IPMK: variants seen among roughly 807,000 people sequenced by gnomAD.
The protein encoded by IPMK is inositol 1,3,4,6-tetrakisphosphate 5-kinase.
A neutral mutation model predicts 45.8 loss-of-function variants in IPMK; 17 were observed. The observed-to-expected ratio is 0.37, with a 90% confidence interval of 0.25 to 0.56. The LOEUF (loss-of-function observed/expected upper bound fraction) is 0.56. Among genes scored for constraint, IPMK ranks in the 20% least tolerant of loss-of-function variants. The pLI is 0.79. For synonymous variants in IPMK, 180 were observed against 184.3 expected (o/e 0.98, Z 0.19); for missense variants, 399 against 498.0 (o/e 0.80, Z 1.89).
At chr10:58,243,995 G>A (rs190101113) in intron 1 of IPMK, among the ~76,000 whole-genome samples, 1,714 of 149,324 alleles carry the variant, frequency 0.011, 11 homozygotes, top group Middle Eastern at 0.026. Flanking sequence ...CCCCGTCTGG[G>A]AGGGGAAGGG....
chr10:58,226,484 T>C (rs1488147740), intron 3 of IPMK, among the ~76,000 whole-genome samples: 1 of 152,238 alleles, frequency 6.6e-6, no homozygotes, highest in Non-Finnish European at 1.5e-5. Context: ...TCAGTCAAGC[T>C]GCTTGTTTAA....
intron 1 of IPMK, among the ~76,000 whole-genome samples, chr10:58,253,776 A>G (rs2132176023): frequency 6.6e-6 from 1 of 151,724 alleles, no homozygotes; most frequent in East Asian, 1.9e-4. Flanking sequence ...GAAAAAGAAA[A>G]ATAGCTTTAC....
intron 2 of IPMK, among the ~76,000 whole-genome samples, chr10:58,233,062 T>G (rs1434642995): frequency 6.6e-6 from 1 of 152,184 alleles, no homozygotes; most frequent in Admixed American, 6.5e-5. Flanking sequence ...GCAAATAAAC[T>G]AGAAAATCTA....
chr10:58,250,747 T>G (rs185772616), intron 1 of IPMK, among the ~76,000 whole-genome samples: 11 of 152,318 alleles, frequency 7.2e-5, no homozygotes, highest in African/African-American at 2.4e-4. Flanking sequence ...CATCCTTGTC[T>G]TCTTCTAAGA....
At chr10:58,226,098 C>A (rs1045286979) in intron 3 of IPMK, among the ~76,000 whole-genome samples, 1 of 152,072 alleles carries the variant, frequency 6.6e-6, no homozygotes, top group African/African-American at 2.4e-5. Context: ...ATCATAAATA[C>A]TCAAGGGAGC....
intron 1 of IPMK, among the ~76,000 whole-genome samples, chr10:58,241,287 T>C (rs1041948116): frequency 6.6e-6 from 1 of 152,060 alleles, no homozygotes; most frequent in Non-Finnish European, 1.5e-5. Context: ...GCCAAGACAA[T>C]AGAGGATACC....
chr10:58,233,922 T>C (rs956544199), intron 2 of IPMK, among the ~76,000 whole-genome samples: 1 of 152,216 alleles, frequency 6.6e-6, no homozygotes, highest in East Asian at 1.9e-4. Flanking sequence ...GAAAACCCCA[T>C]CGTCTCAGCC....
chr10:58,206,881 T>C (rs1838078458), intron 4 of IPMK, among the ~76,000 whole-genome samples: 1 of 152,196 alleles, frequency 6.6e-6, no homozygotes, highest in Non-Finnish European at 1.5e-5. Flanking sequence ...TATTTGGTTT[T>C]CCATTCTTGA....
chr10:58,206,970 A>T (rs1434968739), intron 4 of IPMK, among the ~76,000 whole-genome samples: 3 of 151,092 alleles, frequency 2.0e-5, no homozygotes, highest in African/African-American at 7.4e-5. Flanking sequence ...ATGGCTGAGT[A>T]ATAGTCCACC....
rs12258341 is a variant in IPMK at position 58,202,823 on chromosome 10, G to A, written c.547-3502C>T. On this transcript the variant is annotated intron_variant, in intron 4 of 5. Coordinates refer to ENST00000373935, the MANE Select transcript of IPMK (RefSeq NM_152230.5). ...TCCAAAATATTACTGCTCATTGACA[G>A]TGCACCTGGTCACCTAACAAGATTA... Among the ~76,000 whole-genome samples the A allele has an allele frequency of 3.7e-3, 566 of 152,306 alleles. 1 individual carries two copies. Among genetic ancestry groups the A allele is most frequent in the African/African-American group, 0.013 (525 of 41,558 alleles).
chr10:58,261,015 A>C (rs951174014), intron 1 of IPMK, among the ~76,000 whole-genome samples: 4 of 151,902 alleles, frequency 2.6e-5, no homozygotes, highest in African/African-American at 9.7e-5. Flanking sequence ...AAATAACTTG[A>C]ATCAAGATCG....
intron 1 of IPMK, among the ~76,000 whole-genome samples, chr10:58,248,132 T>A (rs936011094): frequency 3.3e-5 from 5 of 152,088 alleles, no homozygotes; most frequent in Non-Finnish European, 7.3e-5. Context: ...CACCACCTAC[T>A]GATAAACACT....
At chr10:58,201,257 A>C (rs2132143637) in intron 4 of IPMK, among the ~76,000 whole-genome samples, 1 of 152,316 alleles carries the variant, frequency 6.6e-6, no homozygotes, top group Non-Finnish European at 1.5e-5. Context: ...TGCTTTACAA[A>C]TATACTGCAT....
intron 5 of IPMK, among the ~76,000 whole-genome samples, chr10:58,197,491 A>G (rs183738287): frequency 3.6e-4 from 54 of 151,238 alleles, no homozygotes; most frequent in African/African-American, 1.3e-3. Context: ...TCTACTAAAA[A>G]CACAAAAAAT....
chr10:58,217,096 G>C (rs1361871329), intron 3 of IPMK, among the ~76,000 whole-genome samples: 1 of 149,800 alleles, frequency 6.7e-6, no homozygotes, highest in Non-Finnish European at 1.5e-5. Context: ...TGATCTGCCT[G>C]CCTCGGCCTC....
rs1348013750 is a variant in IPMK at position 58,216,273 on chromosome 10, G to A, written c.418C>T (p.Pro140Ser). The A allele has an allele frequency of 6.3e-7, 1 of 1,591,828 alleles. No individual in the cohort carries two copies. Among genetic ancestry groups the A allele is most frequent in the Non-Finnish European group, 8.6e-7 (1 of 1,168,248 alleles). ...CCTATCTTTACATCCATTATACAGG[G>A]CTTATTAAATTTATGGGTCACATCT... is the stretch of plus-strand genomic sequence containing the variant. The part of the protein sequence containing the change: ...LEDVTHKFNK[P>S]CIMDVKIGQK... Residue 140 changes from proline to serine, a missense_variant, in exon 4 of 6, where the codon CCC (proline) becomes TCC (serine). Coordinates refer to ENST00000373935, the MANE Select transcript of IPMK (RefSeq NM_152230.5).
rs981810884 is a variant in IPMK, at chr10:58,193,878, T to C, written c.*2198A>G. On this transcript the variant is annotated 3_prime_UTR_variant, in exon 6 of 6. Transcript: ENST00000373935. ...AGATTAGATAAACAGATACTTATTC[T>C]GTTATACCTAAGCCTACTTATAAAG... 2 of 151,878 alleles carry C rather than the reference T, an allele frequency of 1.3e-5. No individual in the cohort carries two copies. Among genetic ancestry groups the C allele is most frequent in the African/African-American group, 4.8e-5 (2 of 41,442 alleles). 9.4% of individuals were successfully genotyped at this position (151,878 alleles called of 1,614,324 possible).
Position 58,262,637 on chromosome 10 carries a change from G to A in IPMK, c.190+4785C>T, listed in dbSNP as rs145763939. Among the ~76,000 whole-genome samples, 262 of 152,222 alleles carry A rather than the reference G, an allele frequency of 1.7e-3. 1 individual carries two copies. The highest frequency in any genetic ancestry group is 6.2e-3 in the African/African-American group (256 of 41,520). The stretch of plus-strand genomic sequence containing the variant: ...TGAAGAAATGGTTGACTCTAGGGCT[G>A]GGGAAGAAAGTTATGAGATAATTCT... On this transcript the variant is annotated intron_variant, in intron 1 of 5. Transcript: ENST00000373935.
intron 1 of IPMK, among the ~76,000 whole-genome samples, chr10:58,252,420 T>C (rs1001622963): frequency 2.7e-5 from 4 of 147,708 alleles, no homozygotes; most frequent in Admixed American, 2.7e-4. Flanking sequence ...AGTATTAGAG[T>C]ATTCTGAATT....
Sources: gnomAD v4.1 joint callset for allele counts (sites outside exome capture counted in the v4.1 genomes callset) on GRCh38, gnomAD v4.1.1 for gene constraint, MANE v1.5 for transcripts, NCBI Gene and HGNC (gene_info 2026-07-23, HGNC 2026-07-21) for gene names.